ENO2: variants seen among roughly 807,000 people sequenced by gnomAD.
The protein encoded by ENO2 is enolase 2, also known as gamma-enolase.
In ENO2, 19 loss-of-function variants were observed where a neutral mutation model predicts 48.7. The ratio of observed to expected loss-of-function variants is 0.39; its 90% CI spans 0.27 to 0.57. The LOEUF (loss-of-function observed/expected upper bound fraction) is 0.57. Ranked by LOEUF, ENO2 falls within the 20% of genes least tolerant of loss-of-function variation. The pLI, the probability that ENO2 is intolerant of heterozygous loss-of-function variation, is 0.58. For synonymous variants in ENO2, 198 were observed against 213.4 expected (o/e 0.93, Z 0.63); for missense variants, 416 against 555.0 (o/e 0.75, Z 2.52).
At chr12:6,917,377 C>T (rs369500481) in intron 5 of ENO2, 3 of 748,210 alleles carry the variant, frequency 4.0e-6, no homozygotes, top group South Asian at 1.9e-5. Flanking sequence ...AGGTGTGGCT[C>T]TCTGCCGTTT....
Position 6,916,658 on chromosome 12 carries a change from T to C in ENO2, c.182-13T>C. The C allele has an allele frequency of 6.2e-7, 1 of 1,614,166 alleles. No homozygotes were observed. ...TCCTGGCCCGACCCAGTCCAGCCTC[T>C]TCCTTTCCCCAGGTGTCCTGAAGGC... On this transcript the variant is annotated splice_polypyrimidine_tract_variant and intron_variant, in intron 3 of 11. Coordinates refer to ENST00000229277, the MANE Select transcript of ENO2 (RefSeq NM_001975.3). The surrounding 1 kb of genome is among the most constrained non-coding windows in gnomAD (Gnocchi z 4.5).
Position 6,919,713 on chromosome 12 carries a change from C to T in ENO2, c.815C>T (p.Thr272Ile), listed in dbSNP as rs1237612981. ...CCCACTGATCCTTCCCGATACATCA[C>T]TGGGGACCAGCTGGGGGCACTCTAC... Reference protein sequence around the residue: ...KSPTDPSRYITGDQLGALYQD... With the variant: ...KSPTDPSRYIIGDQLGALYQD... The change falls in exon 8 of 12, where the codon ACT becomes ATT. Residue 272 changes from threonine to isoleucine, a missense_variant. Transcript: ENST00000229277. 5 of 1,613,954 alleles carry T rather than the reference C, an allele frequency of 3.1e-6. No individual in the cohort carries two copies. The highest frequency in any genetic ancestry group is 4.2e-6 in the Non-Finnish European group (5 of 1,180,052).
intron 6 of ENO2, 32 bp from the exon 7 acceptor site, chr12:6,917,908 T>C (rs781869068): frequency 1.2e-6 from 2 of 1,611,950 alleles, no homozygotes; most frequent in South Asian, 1.1e-5. Context: ...GGAGGGGCTC[T>C]TTGACCCTTC....
intron 8 of ENO2, among the ~76,000 whole-genome samples, chr12:6,920,720 T>A (rs1945333460): frequency 8.1e-6 from 1 of 123,508 alleles, no homozygotes. Flanking sequence ...TAATTAACTT[T>A]TTTTTTTTTT....
In ENO2 at chr12:6,922,629, A is replaced by G; in HGVS notation, c.1236-102A>G. The G allele has an allele frequency of 7.0e-7, 1 of 1,420,190 alleles. No homozygotes were observed. The highest frequency in any genetic ancestry group is 9.9e-7 in the Non-Finnish European group (1 of 1,009,056). The allele number at this position is 1,420,190 out of a possible 1,614,324, so 88.0% of individuals were successfully genotyped here. A position where few individuals can be genotyped will look rare whatever the true frequency, so the allele number is the denominator to read the frequency against. On this transcript the variant is annotated intron_variant, in intron 11 of 11. Transcript: ENST00000229277. The surrounding 1 kb of genome is among the most constrained non-coding windows in gnomAD (Gnocchi z 5.3). ...GCTAAGCCTTGGGGCAGGACACAAAAGCAGGTGGTGTGGGGGTGGTTGGAG... is the reference window on the plus strand; with the variant it reads ...GCTAAGCCTTGGGGCAGGACACAAAGGCAGGTGGTGTGGGGGTGGTTGGAG...
In ENO2 at chr12:6,916,527, C is replaced by G; in HGVS notation, c.181+15C>G. 6.2e-7 allele frequency: 1 copy of G among 1,613,846 alleles called. No homozygotes were observed. Among genetic ancestry groups the G allele is most frequent in the Non-Finnish European group, 8.5e-7 (1 of 1,179,860 alleles). ...CTTAGGCAAAGGTGAGGTCCCTTCTCTTTTCCAGACTCTCCCCCACCTCAG... is the reference window on the plus strand; with the variant it reads ...CTTAGGCAAAGGTGAGGTCCCTTCTGTTTTCCAGACTCTCCCCCACCTCAG... On this transcript the variant is annotated intron_variant, in intron 3 of 11. Coordinates refer to ENST00000229277, the MANE Select transcript of ENO2 (RefSeq NM_001975.3). The surrounding 1 kb of genome is among the most constrained non-coding windows in gnomAD (Gnocchi z 4.5).
chr12:6,919,457 T>C (rs1370384492), intron 7 of ENO2, 109 bp from the exon 8 acceptor site: 1 of 1,248,166 alleles, frequency 8.0e-7, no homozygotes, highest in Non-Finnish European at 1.1e-6. Flanking sequence ...CCCGCCACAC[T>C]TCCCTCAGGA....
intron 8 of ENO2, among the ~76,000 whole-genome samples, chr12:6,920,714 TAAC>T (rs1261620141): frequency 7.2e-6 from 1 of 139,718 alleles, no homozygotes; most frequent in Admixed American, 7.2e-5. Flanking sequence ...TGCTTTTAAT[TAAC>T]TTTTTTTTTT....
At position 6,919,608 on chromosome 12, in the gene ENO2, C is replaced by A. The variant is rs149156876; in HGVS notation, c.710C>A (p.Thr237Lys). ...GAAGCCATCGACAAGGCTGGCTACA[C>A]GGAAAAGATCGTTATTGGCATGGAT... ...VKEAIDKAGY[T>K]EKIVIGMDVA... The change falls in exon 8 of 12, where the codon ACG becomes AAG. Residue 237 changes from threonine (T) to lysine (K), a missense_variant. By Grantham distance (78) the Thr-to-Lys change is moderately conservative (BLOSUM62 -1). Transcript: ENST00000229277. 4 of 1,614,108 alleles carry A rather than the reference C, an allele frequency of 2.5e-6. No homozygotes were observed. The highest frequency in any genetic ancestry group is 3.4e-6 in the Non-Finnish European group (4 of 1,180,038).
At chr12:6,920,556 T>G (rs1004384686) in intron 8 of ENO2, among the ~76,000 whole-genome samples, 3 of 151,758 alleles carry the variant, frequency 2.0e-5, no homozygotes, top group Admixed American at 2.0e-4. Flanking sequence ...TGTGCCACCA[T>G]GCCTGGCTAA....
chr12:6,919,486 C>A, intron 7 of ENO2, 80 bp from the exon 8 acceptor site: 1 of 1,513,096 alleles, frequency 6.6e-7, no homozygotes, highest in South Asian at 1.2e-5. Flanking sequence ...CCACCTCTGC[C>A]CTGAATGTCT....
At chr12:6,921,985 G>T in intron 9 of ENO2, 71 bp from the exon 10 acceptor site, 1 of 1,598,486 alleles carries the variant, frequency 6.3e-7, no homozygotes, top group South Asian at 1.1e-5. Flanking sequence ...TCCTGACATA[G>T]ACCAAGGTTG....
chr12:6,915,996 C>T, intron 2 of ENO2, 79 bp downstream of exon 2: 5 of 1,468,476 alleles, frequency 3.4e-6, no homozygotes, highest in Non-Finnish European at 3.8e-6. Flanking sequence ...GTTCGGAGGC[C>T]TTTTTTGATA....
Position 6,916,558 on chromosome 12 carries a change from T to C in ENO2, c.181+46T>C, listed in dbSNP as rs201234038. On this transcript the variant is annotated intron_variant, in intron 3 of 11. Transcript: ENST00000229277. This position sits in a 1 kb window ranked among gnomAD's most constrained non-coding sequence, Gnocchi z 4.5. ...CAGACTCTCCCCCACCTCAGCCTTA[T>C]GCCCCTACCTCACACCAGTCCCCAG... The C allele has an allele frequency of 1.9e-5, 30 of 1,612,444 alleles. No homozygotes were observed. Among genetic ancestry groups the C allele is most frequent in the South Asian group, 5.5e-5 (5 of 90,966 alleles).
chr12:6,918,981 C>CAAAA (rs58247795), intron 7 of ENO2, among the ~76,000 whole-genome samples: 4 of 75,870 alleles, frequency 5.3e-5, no homozygotes, highest in East Asian at 3.9e-4. Context: ...GACTCCGTCT[C>CAAAA]AAAAAAAAAA....
rs782378973 is a variant in ENO2 at position 6,919,563 on chromosome 12, C to T, written c.668-3C>T. 18 of 1,613,958 alleles carry T rather than the reference C, an allele frequency of 1.1e-5. No homozygotes were observed. Among genetic ancestry groups the T allele is most frequent in the Non-Finnish European group, 1.4e-5 (16 of 1,180,016 alleles). The stretch of plus-strand genomic sequence containing the variant: ...CTATAATCTCACTGTATTCTGTCCC[C>T]AGCCTTGGAGCTGGTGAAGGAAGCC... On this transcript the variant is annotated splice_polypyrimidine_tract_variant and splice_region_variant and intron_variant, in intron 7 of 11. Transcript: ENST00000229277.
chr12:6,915,522 C>A, intron 1 of ENO2: 1 of 357,104 alleles, frequency 2.8e-6, no homozygotes. Context: ...GGCGCGGGAA[C>A]CACTGTCGTG....
chr12:6,922,664 C>A lies in ENO2; in HGVS notation c.1236-67C>A. 6.3e-7 allele frequency: 1 copy of A among 1,587,618 alleles called. No individual in the cohort carries two copies. Among genetic ancestry groups the A allele is most frequent in the South Asian group, 1.1e-5 (1 of 90,388 alleles). On this transcript the variant is annotated intron_variant, in intron 11 of 11. Transcript: ENST00000229277. The surrounding 1 kb of genome is among the most constrained non-coding windows in gnomAD (Gnocchi z 5.3). The stretch of plus-strand genomic sequence containing the variant: ...GTGGGGGTGGTTGGAGTCTGGGGGA[C>A]CCCTAGAGAGAGAAGCAGGATCCTC...
chr12:6,917,753 G>GGT, intron 6 of ENO2, 39 bp downstream of exon 6: 1 of 1,566,854 alleles, frequency 6.4e-7, no homozygotes, highest in Non-Finnish European at 8.8e-7. Context: ...CCAGGGGCGG[G>GGT]TGGGGGAGGG....
Sources: allele counts gnomAD v4.1 joint callset (sites outside exome capture counted in the v4.1 genomes callset), GRCh38; gene constraint gnomAD v4.1.1; non-coding constraint Gnocchi (gnomAD v3.1); transcripts MANE v1.5; gene names NCBI Gene and HGNC (gene_info 2026-07-23, HGNC 2026-07-21).